The following RNF111 variants were observed in gnomAD, a reference collection of about 807,000 sequenced individuals.
The protein encoded by RNF111 is E3 ubiquitin-protein ligase Arkadia.
In RNF111, 17 loss-of-function variants were observed where a neutral mutation model predicts 95.1. That is an observed-to-expected ratio of 0.18 (90% CI 0.12 to 0.27). RNF111 has a LOEUF of 0.27. Among genes scored for constraint, RNF111 ranks in the 10% least tolerant of loss-of-function variants. The pLI is 1.00. For synonymous variants in RNF111, 440 were observed against 414.8 expected (o/e 1.06, Z -0.74); for missense variants, 1,189 against 1,210.4 (o/e 0.98, Z 0.26).
intron 5 of RNF111, among the ~76,000 whole-genome samples, chr15:59,060,237 G>C (rs2042374919): frequency 6.6e-6 from 1 of 151,716 alleles, no homozygotes; most frequent in African/African-American, 2.4e-5. Context: ...TATTTCATTT[G>C]TTGAGTACAT....
At chr15:59,094,317 T>TA (rs1326351793) in intron 13 of RNF111, among the ~76,000 whole-genome samples, 1 of 152,206 alleles carries the variant, frequency 6.6e-6, no homozygotes, top group African/African-American at 2.4e-5. Flanking sequence ...AAAGTGTAGT[T>TA]ACTATATATT....
rs1321354917 is a variant in RNF111, at chr15:59,066,814, G to T, written c.1417G>T (p.Ala473Ser). The part of the protein sequence containing the change: ...SSAVTETGPP[A>S]MPRLPSCCPQ... ...TGCTGTAACGGAAACTGGCCCTCCT[G>T]CAATGCCAAGGTTACCTTCCTGCTG... The change falls in exon 6 of 14, where the codon GCA becomes TCA. Residue 473 changes from alanine to serine, a missense_variant. Ala to Ser is a moderately conservative substitution (Grantham distance 99, BLOSUM62 1). Coordinates refer to ENST00000348370, the MANE Select transcript of RNF111 (RefSeq NM_017610.8). 21 of 1,614,002 alleles carry T rather than the reference G, an allele frequency of 1.3e-5. No individual in the cohort carries two copies. Among genetic ancestry groups the T allele is most frequent in the Non-Finnish European group, 1.4e-5 (17 of 1,179,984 alleles).
chr15:58,990,731 C>T (rs964150340), intron 1 of RNF111, among the ~76,000 whole-genome samples: 3 of 152,194 alleles, frequency 2.0e-5, no homozygotes, highest in Non-Finnish European at 4.4e-5. Context: ...ATATTAATTA[C>T]TGAAGCTTTA....
rs1290894592 is a variant in RNF111 at position 59,031,657 on chromosome 15, G to A, written c.835G>A (p.Val279Ile). ...SSTEGEEDLF[V>I]SASENHQNNP... ...AACTGAAGGAGAAGAAGATTTGTTT[G>A]TTTCTGCCAGTGAAAACCACCAAAA... The change falls in exon 2 of 14, where the codon GTT becomes ATT. Residue 279 changes from valine (V) to isoleucine (I), a missense_variant. Coordinates refer to ENST00000348370, the MANE Select transcript of RNF111 (RefSeq NM_017610.8). 6.2e-7 allele frequency: 1 copy of A among 1,614,020 alleles called. No individual in the cohort carries two copies. The highest frequency in any genetic ancestry group is 1.1e-5 in the South Asian group (1 of 91,052).
At position 58,992,197 on chromosome 15, in the gene RNF111, A is replaced by G. The variant is rs578132490; in HGVS notation, c.-20+4129A>G. On this transcript the variant is annotated intron_variant, in intron 1 of 13. Transcript: ENST00000348370. Reference sequence around the variant, plus strand: ...GTAGCTGGGATTACAGGAGCGCGCCACCACGCCTGCTAACTTTTTGTATTT... The same window carrying G: ...GTAGCTGGGATTACAGGAGCGCGCCGCCACGCCTGCTAACTTTTTGTATTT... Among the ~76,000 whole-genome samples the G allele has an allele frequency of 1.4e-3, 214 of 152,240 alleles. 1 individual carries two copies. Among genetic ancestry groups the G allele is most frequent in the Non-Finnish European group, 2.7e-3 (181 of 68,024 alleles).
chr15:59,024,094 T>G (rs942579231), intron 1 of RNF111, among the ~76,000 whole-genome samples: 3 of 152,168 alleles, frequency 2.0e-5, no homozygotes, highest in African/African-American at 4.8e-5. Flanking sequence ...ATGGTAAATA[T>G]CTTGTGGCTA....
chr15:59,003,198 C>G (rs1431819208), intron 1 of RNF111, among the ~76,000 whole-genome samples: 1 of 152,192 alleles, frequency 6.6e-6, no homozygotes, highest in African/African-American at 2.4e-5. Context: ...TCACTGCAAC[C>G]TCTGCCTCCT....
Position 59,076,152 on chromosome 15 carries a change from C to T in RNF111, c.1885C>T (p.Pro629Ser). Residue 629 changes from proline to serine, a missense_variant, in exon 7 of 14, where the codon CCC becomes TCC. Pro to Ser is a moderately conservative substitution (Grantham distance 74). Coordinates refer to ENST00000348370, the MANE Select transcript of RNF111 (RefSeq NM_017610.8). The stretch of plus-strand genomic sequence containing the variant: ...CTATGGATCAAGCATGGTTGCGCAG[C>T]CCCAGCCCCAGCCCCCTCCACAGCC... ...DGYGSSMVAQ[P>S]QPQPPPQPSL... 1 of 1,613,834 alleles carries T rather than the reference C, an allele frequency of 6.2e-7. No individual in the cohort carries two copies.
intron 3 of RNF111, among the ~76,000 whole-genome samples, chr15:59,053,217 A>G (rs2042065123): frequency 6.6e-6 from 1 of 152,194 alleles, no homozygotes; most frequent in Non-Finnish European, 1.5e-5. Flanking sequence ...ATCTGTTTTT[A>G]TAAATAACTG....
intron 2 of RNF111, among the ~76,000 whole-genome samples, chr15:59,041,683 T>C (rs1483489540): frequency 6.6e-6 from 1 of 152,216 alleles, no homozygotes; most frequent in Non-Finnish European, 1.5e-5. Flanking sequence ...TAAATGCATA[T>C]GTTATTTTGT....
intron 4 of RNF111, among the ~76,000 whole-genome samples, 198 bp downstream of exon 4, chr15:59,056,043 A>G (rs1311565221): frequency 1.3e-5 from 2 of 152,166 alleles, no homozygotes; most frequent in Non-Finnish European, 2.9e-5. Flanking sequence ...TATTGTTTCA[A>G]TACTTGATAG....
chr15:59,036,214 C>T (rs921067539), intron 2 of RNF111, among the ~76,000 whole-genome samples: 6 of 152,054 alleles, frequency 3.9e-5, no homozygotes, highest in South Asian at 2.1e-4. Context: ...TGCACCACCA[C>T]GCCCAGCTAA....
rs1257594960 is a variant in RNF111 at position 59,066,938 on chromosome 15, A to G, written c.1541A>G (p.His514Arg). The G allele has an allele frequency of 6.2e-7, 1 of 1,613,984 alleles. No homozygotes were observed. Among genetic ancestry groups the G allele is most frequent in the Admixed American group, 1.7e-5 (1 of 60,000 alleles). The change falls in exon 6 of 14, where the codon CAT becomes CGT. Residue 514 changes from histidine (H) to arginine (R), a missense_variant. Physicochemically the swap from His to Arg is conservative, Grantham distance 29. This residue lies in a region of RNF111 where 1,024 missense variants were observed against 925.9 expected (regional missense o/e 1.11). Transcript: ENST00000348370. The part of the protein sequence containing the change: ...CFQQHGHHFQ[H>R]HHHHHHTPHP... Reference sequence around the variant, plus strand: ...CAGCAGCATGGTCACCATTTTCAACATCATCACCACCACCACCATACTCCC... The same window carrying G: ...CAGCAGCATGGTCACCATTTTCAACGTCATCACCACCACCACCATACTCCC...
chr15:59,000,548 C>T lies in RNF111; in HGVS notation c.-20+12480C>T, dbSNP rs563290738. Among the ~76,000 whole-genome samples the T allele has an allele frequency of 4.3e-4, 66 of 151,970 alleles. No individual in the cohort carries two copies. In the South Asian group the frequency reaches 4.8e-3, roughly 11 times the overall value. ...CCAACTTGGGGAAACCCTGTCTCTA[C>T]GAAAAATACAAAACAGCCAGGTATG... On this transcript the variant is annotated intron_variant, in intron 1 of 13. Coordinates refer to ENST00000348370, the MANE Select transcript of RNF111 (RefSeq NM_017610.8).
intron 11 of RNF111, among the ~76,000 whole-genome samples, chr15:59,090,188 A>G (rs2140236546): frequency 6.6e-6 from 1 of 150,688 alleles, no homozygotes; most frequent in Non-Finnish European, 1.5e-5. Flanking sequence ...TGGGATTTAA[A>G]GTTTTGTTGT....
At chr15:59,092,447 T>C (rs1399816101) in intron 12 of RNF111, 90 bp from the exon 13 acceptor site, 2 of 1,380,178 alleles carry the variant, frequency 1.4e-6, no homozygotes, top group Non-Finnish European at 9.5e-7. Context: ...GGTTTTGTTT[T>C]GTTTTGTTTT....
chr15:59,064,698 C>G (rs2142060742), intron 5 of RNF111, among the ~76,000 whole-genome samples: 1 of 152,014 alleles, frequency 6.6e-6, no homozygotes, highest in African/African-American at 2.4e-5. Flanking sequence ...GGTTAAGAAC[C>G]TTTACAAAAG....
At chr15:59,052,019 A>G (rs2042009120) in intron 2 of RNF111, among the ~76,000 whole-genome samples, 1 of 152,156 alleles carries the variant, frequency 6.6e-6, no homozygotes, top group Non-Finnish European at 1.5e-5. Context: ...AAATATCTAT[A>G]TAAGATCTTA....
At chr15:59,072,450 CTTTTTTTT>C (rs35989790) in intron 6 of RNF111, among the ~76,000 whole-genome samples, 3 of 102,770 alleles carry the variant, frequency 2.9e-5, no homozygotes, top group Non-Finnish European at 5.5e-5. Context: ...TCATTTCCAT[CTTTTTTTT>C]TTTTTTTTTT....
Sources: gnomAD v4.1 joint callset for allele counts (sites outside exome capture counted in the v4.1 genomes callset) on GRCh38, gnomAD v4.1.1 for gene constraint, gnomAD v4.1.1 regional missense constraint, MANE v1.5 for transcripts, NCBI Gene and HGNC (gene_info 2026-07-23, HGNC 2026-07-21) for gene names.